Variants in CCDC30 observed in about 807,000 individuals in gnomAD.
The protein encoded by CCDC30 is coiled-coil domain-containing protein 30.
A neutral mutation model predicts 100.2 loss-of-function variants in CCDC30; 70 were observed. The observed-to-expected ratio is 0.70, with a 90% CI of 0.58 to 0.85. The LOEUF is 0.85. CCDC30 is among the 40% of genes least tolerant of loss of function. CCDC30 has a pLI of 0.00. For missense variants in CCDC30, 652 were observed against 771.2 expected (o/e 0.85, Z 1.83); for synonymous variants, 233 against 269.5 (o/e 0.86, Z 1.33).
intron 15 of CCDC30, among the ~76,000 whole-genome samples, chr1:42,653,167 T>C (rs1648497075): frequency 6.6e-6 from 1 of 152,106 alleles, no homozygotes; most frequent in South Asian, 2.1e-4. Flanking sequence ...TAGACAGATA[T>C]AGATAGATCG....
At chr1:42,646,138 C>A in exon 15 of CCDC30, 4 of 1,581,320 alleles carry the variant, frequency 2.5e-6, no homozygotes, top group South Asian at 2.4e-5. Context: ...AACTTAGAAT[C>A]TTAAGGAGTT....
At chr1:42,617,836 T>C (rs1217497162) in intron 11 of CCDC30, among the ~76,000 whole-genome samples, 3 of 152,188 alleles carry the variant, frequency 2.0e-5, no homozygotes, top group African/African-American at 7.2e-5. Flanking sequence ...ATTTCTAATC[T>C]TGTGGCTCAT....
chr1:42,552,346 T>C (rs1457287479), intron 6 of CCDC30, among the ~76,000 whole-genome samples: 1 of 152,174 alleles, frequency 6.6e-6, no homozygotes. Flanking sequence ...CAGGCACATC[T>C]CATGGACCCA....
chr1:42,595,134 C>T (rs1646259826), intron 10 of CCDC30: 2 of 151,718 alleles, frequency 1.3e-5, no homozygotes, highest in Non-Finnish European at 2.9e-5. Flanking sequence ...TTTTCTTGGT[C>T]AGAAGCAATA....
At chr1:42,562,687 A>G (rs1220293518) in intron 6 of CCDC30, among the ~76,000 whole-genome samples, 1 of 152,222 alleles carries the variant, frequency 6.6e-6, no homozygotes, top group Non-Finnish European at 1.5e-5. Flanking sequence ...AGAATGGGGG[A>G]AAAATTTTGC....
intron 15 of CCDC30, among the ~76,000 whole-genome samples, chr1:42,650,722 G>T (rs372795745): frequency 3.3e-5 from 5 of 151,594 alleles, no homozygotes; most frequent in Non-Finnish European, 7.4e-5. Context: ...AACTTCCTGG[G>T]CTCAAGCAAT....
chr1:42,491,768 G>A, intron 4 of CCDC30: 1 of 294,474 alleles, frequency 3.4e-6, no homozygotes, highest in African/African-American at 2.2e-5. Context: ...AGCACCTTAT[G>A]AAAGGTGGCA....
At chr1:42,578,338 T>C (rs1252776900) in intron 8 of CCDC30, among the ~76,000 whole-genome samples, 1 of 152,180 alleles carries the variant, frequency 6.6e-6, no homozygotes, top group Admixed American at 6.5e-5. Context: ...GCTATGGAAG[T>C]AAGATAGTGG....
At chr1:42,616,621 GC>G (rs1328532991) in intron 11 of CCDC30, among the ~76,000 whole-genome samples, 1 of 152,120 alleles carries the variant, frequency 6.6e-6, no homozygotes, top group Non-Finnish European at 1.5e-5. Flanking sequence ...TTAAACACAA[GC>G]TAAAAGTTGT....
intron 3 of CCDC30, among the ~76,000 whole-genome samples, chr1:42,485,757 G>A (rs964429427): frequency 2.6e-5 from 4 of 152,264 alleles, no homozygotes; most frequent in African/African-American, 4.8e-5. Context: ...CATAAAAATT[G>A]ATAAGTATGT....
chr1:42,577,857 G>T (rs1306852744), intron 8 of CCDC30, among the ~76,000 whole-genome samples: 1 of 152,038 alleles, frequency 6.6e-6, no homozygotes, highest in East Asian at 1.9e-4. Context: ...AGCCAGGGTG[G>T]TCTTGATCTT....
chr1:42,518,930 ATT>A (rs1023677685), intron 6 of CCDC30, among the ~76,000 whole-genome samples: 3 of 152,148 alleles, frequency 2.0e-5, no homozygotes, highest in Non-Finnish European at 2.9e-5. Context: ...TTTCATATGG[ATT>A]TTTATATTGA....
At chr1:42,522,044 G>T (rs78367519) in intron 6 of CCDC30, among the ~76,000 whole-genome samples, 1 of 151,924 alleles carries the variant, frequency 6.6e-6, no homozygotes, top group African/African-American at 2.4e-5. Flanking sequence ...ATATAAAATG[G>T]TGTAGGTATT....
rs144288955 is a variant in CCDC30, at chr1:42,524,202, G to A, written c.456+25286G>A. Reference sequence around the variant, plus strand: ...ATCTGAATCTAATGTGGTAACTCTCGAAATCAGATTCGCCACCCTCCCAGG... The same window carrying A: ...ATCTGAATCTAATGTGGTAACTCTCAAAATCAGATTCGCCACCCTCCCAGG... On this transcript the variant is annotated intron_variant, in intron 6 of 16. Coordinates refer to ENST00000668663, the Ensembl canonical transcript of CCDC30. Among the ~76,000 whole-genome samples, 93 of 151,218 alleles carry A rather than the reference G, an allele frequency of 6.2e-4. No homozygotes were observed. In the East Asian group the frequency reaches 6.6e-3, roughly 11 times the overall value.
At chr1:42,600,424 T>G (rs560746159) in intron 10 of CCDC30, among the ~76,000 whole-genome samples, 1 of 152,204 alleles carries the variant, frequency 6.6e-6, no homozygotes, top group East Asian at 1.9e-4. Context: ...ATAGTTGAAC[T>G]CCACACCACC....
At chr1:42,515,067 G>C (rs558156187) in intron 6 of CCDC30, among the ~76,000 whole-genome samples, 3 of 152,256 alleles carry the variant, frequency 2.0e-5, no homozygotes, top group African/African-American at 7.2e-5. Flanking sequence ...ATCAAATTAA[G>C]ATGAGTTAAT....
At chr1:42,495,712 A>T (rs150867504) in intron 4 of CCDC30, among the ~76,000 whole-genome samples, 22 of 152,092 alleles carry the variant, frequency 1.4e-4, no homozygotes, top group East Asian at 5.8e-4. Flanking sequence ...AAACAAAATT[A>T]AAAAATAAAA....
intron 12 of CCDC30, among the ~76,000 whole-genome samples, chr1:42,642,204 T>A (rs139324533): frequency 1.3e-5 from 2 of 151,712 alleles, no homozygotes; most frequent in African/African-American, 4.8e-5. Context: ...CCAGCCTGGG[T>A]GACAGGGCAA....
chr1:42,525,539 C>G (rs1644710897), intron 6 of CCDC30, among the ~76,000 whole-genome samples: 1 of 152,064 alleles, frequency 6.6e-6, no homozygotes, highest in Admixed American at 6.5e-5. Context: ...ATTGTCACTT[C>G]TAGGTCTGTT....
Sources: gnomAD v4.1 joint callset for allele counts (sites outside exome capture counted in the v4.1 genomes callset) on GRCh38, gnomAD v4.1.1 for gene constraint, MANE v1.5 for transcripts, NCBI Gene and HGNC (gene_info 2026-07-23, HGNC 2026-07-21) for gene names.